The following ARNT2 variants were observed in gnomAD, a reference collection of about 807,000 sequenced individuals.
The protein encoded by ARNT2 is ARNT protein 2.
Under a neutral mutation model 91.7 loss-of-function variants are expected in ARNT2, and 36 were observed. That is an observed-to-expected ratio of 0.39 (90% CI 0.30 to 0.52). The LOEUF is 0.52. Ranked by LOEUF, ARNT2 falls within the 20% of genes least tolerant of loss-of-function variation. The pLI is 0.72. For missense variants in ARNT2, 775 were observed against 939.3 expected, an observed-to-expected ratio of 0.83 and a Z score of 2.29; for synonymous variants, 365 against 347.1, an observed-to-expected ratio of 1.05 and a Z score of -0.57.
chr15:80,426,737 G>T (rs533315560), intron 1 of ARNT2, among the ~76,000 whole-genome samples: 106 of 152,298 alleles, frequency 7.0e-4, no homozygotes, highest in African/African-American at 2.5e-3. Flanking sequence ...AGTTGTGTTC[G>T]TCAGCTCAGG....
At chr15:80,527,429 G>C (rs1454617889) in intron 8 of ARNT2, among the ~76,000 whole-genome samples, 1 of 152,222 alleles carries the variant, frequency 6.6e-6, no homozygotes, top group Admixed American at 6.5e-5. Flanking sequence ...AAGCTTAGCA[G>C]GCAAAGAGAG....
chr15:80,435,049 CG>C (rs1454095358), intron 1 of ARNT2, among the ~76,000 whole-genome samples: 1 of 152,100 alleles, frequency 6.6e-6, no homozygotes, highest in African/African-American at 2.4e-5. Flanking sequence ...CCCCTCCTAC[CG>C]GTTGTCGCCT....
intron 5 of ARNT2, among the ~76,000 whole-genome samples, chr15:80,505,973 A>G (rs1469739790): frequency 8.3e-6 from 1 of 120,244 alleles, no homozygotes; most frequent in Non-Finnish European, 1.6e-5. Flanking sequence ...TCTGTCGCCC[A>G]GGCCGTACTG....
chr15:80,431,707 G>A (rs1159605103), intron 1 of ARNT2, among the ~76,000 whole-genome samples: 6 of 152,126 alleles, frequency 3.9e-5, no homozygotes, highest in Non-Finnish European at 5.9e-5. Context: ...GTTTTTCCAG[G>A]CTACCGGTTG....
chr15:80,463,586 T>C (rs1896595419), intron 3 of ARNT2, among the ~76,000 whole-genome samples: 1 of 90,638 alleles, frequency 1.1e-5, no homozygotes, highest in Admixed American at 1.0e-4. Context: ...TTTTTTTTTT[T>C]TTTTTTTTTG....
In ARNT2 at chr15:80,581,223, T is replaced by G. The variant is rs1056667673; in HGVS notation, c.1753-16T>G. 1 of 1,613,820 alleles carries G rather than the reference T, an allele frequency of 6.2e-7. No homozygotes were observed. The highest frequency in any genetic ancestry group is 1.3e-5 in the African/African-American group (1 of 74,926). Reference sequence around the variant, plus strand: ...CTGGTGATGCTTTCCATCTCTTTGCTTTGTCCTGATTGTAGCAAATCCCAT... The same window carrying G: ...CTGGTGATGCTTTCCATCTCTTTGCGTTGTCCTGATTGTAGCAAATCCCAT... On this transcript the variant is annotated splice_polypyrimidine_tract_variant and intron_variant, in intron 16 of 18. Transcript: ENST00000303329.
chr15:80,427,697 G>T (rs557922983), intron 1 of ARNT2, among the ~76,000 whole-genome samples: 2 of 152,314 alleles, frequency 1.3e-5, no homozygotes, highest in Admixed American at 6.5e-5. Context: ...GTCACAGCGA[G>T]AATCCTTATG....
At chr15:80,449,422 A>C (rs1201896358) in intron 1 of ARNT2, among the ~76,000 whole-genome samples, 1 of 152,170 alleles carries the variant, frequency 6.6e-6, no homozygotes, top group African/African-American at 2.4e-5. Flanking sequence ...GGCAGATGAT[A>C]AAGTTGTTGG....
chr15:80,507,645 GAGA>G (rs1897292926), intron 5 of ARNT2, among the ~76,000 whole-genome samples: 1 of 152,182 alleles, frequency 6.6e-6, no homozygotes, highest in African/African-American at 2.4e-5. Flanking sequence ...ACAGTGAGAA[GAGA>G]AGAAGGCTGA....
At chr15:80,510,598 A>G (rs1167785120) in intron 6 of ARNT2, among the ~76,000 whole-genome samples, 1 of 61,638 alleles carries the variant, frequency 1.6e-5, no homozygotes, top group Admixed American at 1.3e-4. Context: ...TGGGAGGCCA[A>G]GGCGGGCAGA....
At chr15:80,580,260 C>A in intron 15 of ARNT2, 151 bp from the exon 16 acceptor site, 1 of 1,027,008 alleles carries the variant, frequency 9.7e-7, no homozygotes, top group Non-Finnish European at 1.5e-6. Flanking sequence ...GGCTTTGAGG[C>A]TCACGATGTG....
chr15:80,511,403 A>G (rs1897339256), intron 6 of ARNT2, among the ~76,000 whole-genome samples: 2 of 152,190 alleles, frequency 1.3e-5, no homozygotes, highest in African/African-American at 2.4e-5. Context: ...GAGGAAGAAC[A>G]TCAGGAAAAA....
intron 5 of ARNT2, among the ~76,000 whole-genome samples, chr15:80,497,704 C>G (rs559398970): frequency 6.6e-6 from 1 of 152,338 alleles, no homozygotes; most frequent in South Asian, 2.1e-4. Flanking sequence ...AGCTGAGAAG[C>G]TCGCAGCCCA....
At chr15:80,592,044 C>T (rs959173051) in intron 18 of ARNT2, among the ~76,000 whole-genome samples, 1 of 152,174 alleles carries the variant, frequency 6.6e-6, no homozygotes, top group East Asian at 1.9e-4. Context: ...CACCCCCAGG[C>T]TTGGCTGTCT....
At chr15:80,533,904 C>T (rs1202763140) in intron 8 of ARNT2, among the ~76,000 whole-genome samples, 1 of 152,226 alleles carries the variant, frequency 6.6e-6, no homozygotes, top group Non-Finnish European at 1.5e-5. Context: ...TTCCTGATGT[C>T]CTCTTTTCAC....
chr15:80,545,954 G>A (rs1259500175), intron 8 of ARNT2, among the ~76,000 whole-genome samples: 4 of 152,168 alleles, frequency 2.6e-5, no homozygotes, highest in African/African-American at 7.2e-5. Context: ...CTAGTATACC[G>A]TCTTCCACCA....
intron 8 of ARNT2, among the ~76,000 whole-genome samples, chr15:80,522,275 A>C (rs78777469): frequency 0.077 from 11,791 of 152,236 alleles, 481 homozygotes; most frequent in Middle Eastern, 0.13. Context: ...TAAACAAGCA[A>C]ACTGAGGCAC....
chr15:80,468,115 C>T (rs1013647143), intron 3 of ARNT2, among the ~76,000 whole-genome samples: 1 of 152,152 alleles, frequency 6.6e-6, no homozygotes, highest in East Asian at 1.9e-4. Context: ...AGTATATGCC[C>T]TTCCCTACCA....
chr15:80,443,618 C>T (rs1355391337), intron 1 of ARNT2, among the ~76,000 whole-genome samples: 1 of 151,912 alleles, frequency 6.6e-6, no homozygotes, highest in African/African-American at 2.4e-5. Flanking sequence ...TAGGAGGCTG[C>T]ACAAGATGCC....
Sources: gnomAD v4.1 joint callset for allele counts (sites outside exome capture counted in the v4.1 genomes callset) on GRCh38, gnomAD v4.1.1 for gene constraint, MANE v1.5 for transcripts, NCBI Gene and HGNC (gene_info 2026-07-23, HGNC 2026-07-21) for gene names.